The following UGGT1 variants were observed in gnomAD, a reference collection of about 807,000 sequenced individuals.
UGGT1 encodes UDP-glucose:glycoprotein glucosyltransferase 1.
A neutral mutation model predicts 203.9 loss-of-function variants in UGGT1; 107 were observed. The observed-to-expected ratio is 0.52, with a 90% confidence interval of 0.45 to 0.62. The LOEUF (loss-of-function observed/expected upper bound fraction) is 0.62, where lower values mean the gene tolerates loss of function less well. UGGT1 is among the 20% of genes least tolerant of loss of function. The pLI, the probability that UGGT1 is intolerant of heterozygous loss-of-function variation, is 0.00. For missense variants in UGGT1, 1,673 were observed against 1,867.2 expected (o/e 0.90, Z 1.92); for synonymous variants, 628 against 653.5 (o/e 0.96, Z 0.59).
intron 10 of UGGT1, among the ~76,000 whole-genome samples, chr2:128,122,958 C>T (rs187520019): frequency 6.6e-6 from 1 of 152,052 alleles, no homozygotes; most frequent in African/African-American, 2.4e-5. Flanking sequence ...AACAACTGCA[C>T]CTGTTTTATA....
intron 1 of UGGT1, among the ~76,000 whole-genome samples, chr2:128,093,974 A>G (rs1686989145): frequency 1.3e-5 from 2 of 152,152 alleles, no homozygotes; most frequent in African/African-American, 4.8e-5. Context: ...TATGTAAAGC[A>G]CCTAATACAA....
At chr2:128,096,949 A>G (rs1687141104) in intron 1 of UGGT1, among the ~76,000 whole-genome samples, 1 of 152,210 alleles carries the variant, frequency 6.6e-6, no homozygotes, top group South Asian at 2.1e-4. Flanking sequence ...CACTCAGCAA[A>G]TATCTGTTGG....
intron 40 of UGGT1, among the ~76,000 whole-genome samples, chr2:128,187,933 T>TA (rs1692068505): frequency 6.6e-6 from 1 of 151,934 alleles, no homozygotes; most frequent in Non-Finnish European, 1.5e-5. Context: ...GAGTTCTTCT[T>TA]AGATTCCTTG....
intron 12 of UGGT1, 55 bp from the exon 13 acceptor site, chr2:128,128,974 T>C: frequency 6.8e-7 from 1 of 1,465,368 alleles, no homozygotes; most frequent in Non-Finnish European, 9.0e-7. Flanking sequence ...ATGGTGAGAA[T>C]TTTTTTTAAA....
intron 16 of UGGT1, among the ~76,000 whole-genome samples, chr2:128,141,702 T>C (rs1033406963): frequency 9.9e-5 from 15 of 151,762 alleles, no homozygotes; most frequent in Admixed American, 1.3e-4. Context: ...GCCCAGCTAA[T>C]TGGGAGGCTG....
At position 128,159,497 on chromosome 2, in the gene UGGT1, T is replaced by C; in HGVS notation, c.2356-17T>C. The C allele has an allele frequency of 1.2e-6, 2 of 1,610,300 alleles. No homozygotes were observed. The highest frequency in any genetic ancestry group is 1.7e-6 in the Non-Finnish European group (2 of 1,176,580). On this transcript the variant is annotated splice_polypyrimidine_tract_variant and intron_variant, in intron 22 of 40. Coordinates refer to ENST00000259253, the MANE Select transcript of UGGT1 (RefSeq NM_020120.4). The stretch of plus-strand genomic sequence containing the variant: ...AAATATCTACAATATGACTCCCGTT[T>C]CCCATTTTGTGAACAGAAATCCAGT...
intron 18 of UGGT1, among the ~76,000 whole-genome samples, chr2:128,149,609 C>CA (rs886969052): frequency 1.2e-3 from 167 of 138,522 alleles, no homozygotes; most frequent in Middle Eastern, 7.2e-3. Context: ...ACTAAAAATC[C>CA]AAAAAAAAAA....
At chr2:128,160,024 C>G (rs565150160) in intron 23 of UGGT1, among the ~76,000 whole-genome samples, 4 of 152,132 alleles carry the variant, frequency 2.6e-5, no homozygotes, top group Non-Finnish European at 4.4e-5. Flanking sequence ...CTTATAGGTT[C>G]AAGGCTTATA....
intron 27 of UGGT1, among the ~76,000 whole-genome samples, chr2:128,170,679 A>G (rs1444629334): frequency 6.6e-6 from 1 of 152,202 alleles, no homozygotes; most frequent in African/African-American, 2.4e-5. Context: ...CTATATTTTA[A>G]TTTATAATAT....
chr2:128,167,973 G>T (rs78006658), intron 26 of UGGT1, among the ~76,000 whole-genome samples: 8,820 of 152,158 alleles, frequency 0.058, 906 homozygotes, highest in African/African-American at 0.2. Flanking sequence ...TTACACTCTT[G>T]TGTAGAGTCC....
At chr2:128,171,161 A>G in intron 27 of UGGT1, 44 bp from the exon 28 acceptor site, 1 of 1,557,490 alleles carries the variant, frequency 6.4e-7, no homozygotes, top group South Asian at 1.2e-5. Context: ...TAAATTTCTG[A>G]AGAAAAAAAT....
chr2:128,170,368 A>G lies in UGGT1; in HGVS notation c.3002A>G (p.Gln1001Arg), dbSNP rs111733216. ...AVVDPVTREA[Q>R]RLAPLLLVLA... The stretch of plus-strand genomic sequence containing the variant: ...GTTGACCCTGTCACCAGAGAAGCAC[A>G]GAGACTTGCTCCTTTGCTCTTGGTA... The change falls in exon 27 of 41, where the codon CAG (glutamine) becomes CGG (arginine). Residue 1001 changes from glutamine (Q) to arginine (R), a missense_variant. Coordinates refer to ENST00000259253, the MANE Select transcript of UGGT1 (RefSeq NM_020120.4). 6.2e-7 allele frequency: 1 copy of G among 1,614,214 alleles called. No individual in the cohort carries two copies.
chr2:128,112,474 T>TATA (rs1687915322), intron 5 of UGGT1, among the ~76,000 whole-genome samples: 2 of 32,496 alleles, frequency 6.2e-5, no homozygotes, highest in East Asian at 1.0e-3. Flanking sequence ...ATATATATAT[T>TATA]ACATACATAC....
At chr2:128,134,296 A>G (rs1689027857) in intron 14 of UGGT1, among the ~76,000 whole-genome samples, 1 of 152,138 alleles carries the variant, frequency 6.6e-6, no homozygotes, top group Non-Finnish European at 1.5e-5. Context: ...TTGGCCTCCC[A>G]AAGTGCTGGG....
intron 18 of UGGT1, among the ~76,000 whole-genome samples, chr2:128,148,330 G>A (rs933148638): frequency 2.6e-5 from 4 of 152,096 alleles, no homozygotes; most frequent in Non-Finnish European, 4.4e-5. Context: ...CACTCACCTC[G>A]GCCTTCCAAA....
chr2:128,142,584 C>CAAA (rs140971109), intron 16 of UGGT1, among the ~76,000 whole-genome samples: 2 of 57,414 alleles, frequency 3.5e-5, no homozygotes, highest in Non-Finnish European at 7.5e-5. Context: ...GACTCCATCT[C>CAAA]AAAAAAAAAA....
intron 26 of UGGT1, among the ~76,000 whole-genome samples, chr2:128,169,045 CT>C (rs1690947475): frequency 5.5e-5 from 4 of 73,204 alleles, no homozygotes; most frequent in African/African-American, 1.1e-4. Flanking sequence ...GAGACTCTGT[CT>C]TTAAAAAAAA....
rs1691476747 is a variant in UGGT1, at chr2:128,177,885, T to G, written c.3678T>G (p.Ser1226Arg). The G allele has an allele frequency of 3.1e-6, 5 of 1,604,694 alleles. No individual in the cohort carries two copies. The highest frequency in any genetic ancestry group is 4.3e-6 in the Non-Finnish European group (5 of 1,176,084). Reference sequence around the variant, plus strand: ...AAGACTTGCTGAGTGATGGAACGAGTGAGAATGAATCTGGATTTTGGGATT... The same window carrying G: ...AAGACTTGCTGAGTGATGGAACGAGGGAGAATGAATCTGGATTTTGGGATT... ...VNEDLLSDGT[S>R]ENESGFWDSF... Residue 1226 changes from serine (S) to arginine (R), a missense_variant, in exon 33 of 41, where the codon AGT becomes AGG. Ser to Arg is a moderately radical substitution (Grantham distance 110, BLOSUM62 -1). Around this residue, in one of 4 missense-constraint regions of UGGT1, gnomAD observed 513 missense variants for 684.1 expected, o/e 0.75. Transcript: ENST00000259253.
intron 27 of UGGT1, 50 bp downstream of exon 27, chr2:128,170,440 C>T (rs1423526035): frequency 6.5e-7 from 1 of 1,531,986 alleles, no homozygotes; most frequent in South Asian, 1.1e-5. Flanking sequence ...GAAGTTGTCA[C>T]ATGCTCTGAA....
Sources: allele counts gnomAD v4.1 joint callset (sites outside exome capture counted in the v4.1 genomes callset), GRCh38; gene constraint gnomAD v4.1.1; regional missense constraint gnomAD v4.1.1; transcripts MANE v1.5; gene names NCBI Gene and HGNC (gene_info 2026-07-23, HGNC 2026-07-21).